CELF1: variants seen among roughly 807,000 people sequenced by gnomAD.
CELF1 encodes the protein CUGBP Elav-like family member 1.
In CELF1, 10 loss-of-function variants were observed where a neutral mutation model predicts 61.8. That is an observed-to-expected ratio of 0.16 (90% CI 0.10 to 0.27). The LOEUF is 0.27. CELF1 is among the 10% of genes least tolerant of loss of function. The pLI is 1.00. For synonymous variants in CELF1, 236 were observed against 225.1 expected (o/e 1.05, Z -0.43); for missense variants, 380 against 639.1 (o/e 0.59, Z 4.37).
intron 1 of CELF1, among the ~76,000 whole-genome samples, chr11:47,541,719 AAAG>A (rs1565904412): frequency 0.037 from 272 of 7,276 alleles, 12 homozygotes; most frequent in African/African-American, 0.073. Flanking sequence ...AGAAAGAAAG[AAAG>A]AAAGAACGAA....
chr11:47,491,599 A>G (rs922704012), intron 3 of CELF1, among the ~76,000 whole-genome samples: 3 of 152,196 alleles, frequency 2.0e-5, no homozygotes, highest in Non-Finnish European at 2.9e-5. Context: ...GGCTCCCCAT[A>G]TTCTTCCAGG....
intron 1 of CELF1, among the ~76,000 whole-genome samples, chr11:47,517,180 G>A (rs539607849): frequency 3.9e-4 from 59 of 151,082 alleles, no homozygotes; most frequent in Non-Finnish European, 7.8e-4. Context: ...CCAGGAGGTC[G>A]GGCTGCAGTG....
At chr11:47,519,391 G>A (rs1190217750) in intron 1 of CELF1, among the ~76,000 whole-genome samples, 1 of 151,980 alleles carries the variant, frequency 6.6e-6, no homozygotes, top group East Asian at 1.9e-4. Context: ...TGGGGCAGAA[G>A]AATCACTTGA....
chr11:47,552,757 T>C (rs1376849200), intron 1 of CELF1, among the ~76,000 whole-genome samples: 1 of 152,054 alleles, frequency 6.6e-6, no homozygotes, highest in Non-Finnish European at 1.5e-5. Context: ...CGGGTCTCCC[T>C]GGGCGCGGGG....
intron 1 of CELF1, among the ~76,000 whole-genome samples, chr11:47,538,991 C>T (rs527673177): frequency 2.7e-4 from 41 of 152,228 alleles, no homozygotes; most frequent in African/African-American, 9.1e-4. Flanking sequence ...GCCATTCAAC[C>T]CACATTATTG....
intron 1 of CELF1, among the ~76,000 whole-genome samples, chr11:47,527,030 G>A (rs1407923193): frequency 6.7e-6 from 1 of 149,714 alleles, no homozygotes; most frequent in African/African-American, 2.5e-5. Context: ...CAGCCTGGGC[G>A]ACAAGAGCAA....
rs1259085877 is a variant in CELF1 at position 47,528,375 on chromosome 11, T to C, written c.-154+24617A>G. 2.6e-5 allele frequency among the ~76,000 whole-genome samples: 4 copies of C among 152,152 alleles called. No homozygotes were observed. The East Asian group carries it at 5.8e-4, about 22-fold the overall frequency. Reference sequence around the variant, plus strand: ...ACCTCTGTATGCATTTATAAGGAAATGGATTCACAACTTTTACCAGATTTT... The same window carrying C: ...ACCTCTGTATGCATTTATAAGGAAACGGATTCACAACTTTTACCAGATTTT... On this transcript the variant is annotated intron_variant, in intron 1 of 14. Coordinates refer to ENST00000687097, the MANE Select transcript of CELF1 (RefSeq NM_001376376.1).
At chr11:47,541,686 C>CTCA (rs71042680) in intron 1 of CELF1, among the ~76,000 whole-genome samples, 4,187 of 11,404 alleles carry the variant, frequency 0.37, 1,264 homozygotes, top group South Asian at 0.67. Flanking sequence ...GCGAGACTGT[C>CTCA]AAAGAAAGAA....
At chr11:47,529,691 G>A (rs2096395702) in intron 1 of CELF1, among the ~76,000 whole-genome samples, 2 of 151,852 alleles carry the variant, frequency 1.3e-5, no homozygotes, top group Non-Finnish European at 2.9e-5. Flanking sequence ...TGTGGTGGCA[G>A]GCACCTGTAA....
At chr11:47,563,742 C>T (rs948360629) in intron 2 of CELF1, among the ~76,000 whole-genome samples, 12 of 152,180 alleles carry the variant, frequency 7.9e-5, no homozygotes, top group Admixed American at 2.0e-4. Context: ...CCAGATGGGC[C>T]GGGCATGGTG....
chr11:47,493,527 A>G (rs2092377164), intron 3 of CELF1, among the ~76,000 whole-genome samples: 1 of 150,766 alleles, frequency 6.6e-6, no homozygotes, highest in African/African-American at 2.5e-5. Flanking sequence ...AAAAAAAAAA[A>G]AAAAAAAAGG....
intron 2 of CELF1, among the ~76,000 whole-genome samples, chr11:47,563,051 T>C (rs2097231598): frequency 6.6e-6 from 1 of 151,726 alleles, no homozygotes; most frequent in South Asian, 2.1e-4. Flanking sequence ...ACCCCATCGC[T>C]ACAAATAATA....
chr11:47,514,508 C>G (rs1390012984), intron 1 of CELF1, among the ~76,000 whole-genome samples: 3 of 152,114 alleles, frequency 2.0e-5, no homozygotes, highest in African/African-American at 4.8e-5. Context: ...GAGAGACACC[C>G]TATTTTAGAG....
At chr11:47,488,716 G>A in intron 4 of CELF1, 121 bp downstream of exon 4, 1 of 677,642 alleles carries the variant, frequency 1.5e-6, no homozygotes, top group Non-Finnish European at 2.3e-6. Context: ...CAGAGAGAAT[G>A]CACATGAAAG....
intron 1 of CELF1, among the ~76,000 whole-genome samples, chr11:47,549,786 A>G (rs1287796878): frequency 6.6e-6 from 1 of 151,892 alleles, no homozygotes; most frequent in Non-Finnish European, 1.5e-5. Context: ...ACACTTAAAA[A>G]TGGCTAAGTT....
chr11:47,559,068 TA>T (rs1350621340), intron 2 of CELF1, among the ~76,000 whole-genome samples: 2,222 of 143,022 alleles, frequency 0.016, 44 homozygotes, highest in African/African-American at 0.047. Flanking sequence ...TTATATATAA[TA>T]ATATAATATA....
intron 1 of CELF1, among the ~76,000 whole-genome samples, chr11:47,510,561 A>G (rs905848735): frequency 2.0e-5 from 3 of 152,072 alleles, no homozygotes; most frequent in Non-Finnish European, 4.4e-5. Context: ...ATCTCGGCTC[A>G]CTGCAACCTC....
intron 3 of CELF1, chr11:47,495,954 C>T: frequency 1.0e-6 from 1 of 984,802 alleles, no homozygotes; most frequent in Non-Finnish European, 1.2e-6. Flanking sequence ...AATCCCTCCA[C>T]CTCCCCAGCA....
chr11:47,522,275 C>T (rs2095955802), intron 1 of CELF1, among the ~76,000 whole-genome samples: 1 of 151,800 alleles, frequency 6.6e-6, no homozygotes, highest in Non-Finnish European at 1.5e-5. Flanking sequence ...CCTGTAACCC[C>T]AGCACTTTGG....
Sources: allele counts gnomAD v4.1 joint callset (sites outside exome capture counted in the v4.1 genomes callset), GRCh38; gene constraint gnomAD v4.1.1; transcripts MANE v1.5; gene names NCBI Gene and HGNC (gene_info 2026-07-23, HGNC 2026-07-21).